Variants in ZNF487 observed in about 807,000 individuals in gnomAD.
The protein encoded by ZNF487 is zinc finger protein 487, also known as KRAB domain only 1.
In ZNF487, 4 loss-of-function variants were observed where a neutral mutation model predicts 3.0. The observed-to-expected ratio is 1.35, with a 90% confidence interval of 0.66 to 3.08. The LOEUF is 3.08. ZNF487 is among the 30% of genes most tolerant of loss of function. The pLI is 0.01. For missense variants in ZNF487, 146 were observed against 98.7 expected (o/e 1.48, Z -2.03); for synonymous variants, 55 against 34.6 (o/e 1.59, Z -2.06).
chr10:43,503,660 T>C, the ZNF487 span, among the ~76,000 whole-genome samples: 19,127 of 151,978 alleles, frequency 0.13, 2,578 homozygotes, highest in African/African-American at 0.34. Flanking sequence ...GGGTGGAGTA[T>C]AGTGGCATGA....
intron 1 of ZNF487, among the ~76,000 whole-genome samples, chr10:43,467,406 TA>T (rs1189260956): frequency 6.6e-6 from 1 of 151,582 alleles, no homozygotes; most frequent in Non-Finnish European, 1.5e-5. Flanking sequence ...GGTTTCACCA[TA>T]TTGGCCAGGC....
the ZNF487 span, among the ~76,000 whole-genome samples, chr10:43,494,790 A>AT: frequency 6.7e-6 from 1 of 148,192 alleles, no homozygotes; most frequent in African/African-American, 2.5e-5. Context: ...AAAAAAAAAA[A>AT]GCTGGGCATG....
intron 1 of ZNF487, among the ~76,000 whole-genome samples, chr10:43,446,922 G>A (rs1391061214): frequency 1.3e-5 from 2 of 152,096 alleles, no homozygotes; most frequent in South Asian, 2.1e-4. Flanking sequence ...CTGAGTGAGC[G>A]AGACTCTGTC....
chr10:43,501,368 T>C, the ZNF487 span, among the ~76,000 whole-genome samples: 1 of 152,236 alleles, frequency 6.6e-6, no homozygotes, highest in East Asian at 1.9e-4. Flanking sequence ...ACACTTAGGC[T>C]ACACTGTTTA....
chr10:43,457,759 A>C (rs1840270851), intron 1 of ZNF487, among the ~76,000 whole-genome samples: 1 of 151,508 alleles, frequency 6.6e-6, no homozygotes, highest in African/African-American at 2.4e-5. Context: ...AGGGTGGCTC[A>C]TGCCTGTAAT....
the ZNF487 span, among the ~76,000 whole-genome samples, chr10:43,490,983 CTT>C: frequency 1.5e-5 from 2 of 132,522 alleles, no homozygotes; most frequent in Non-Finnish European, 3.1e-5. Context: ...CTTTTTTTTT[CTT>C]TTTTTTTTTT....
At chr10:43,495,549 A>T in the ZNF487 span, among the ~76,000 whole-genome samples, 2,290 of 152,214 alleles carry the variant, frequency 0.015, 64 homozygotes, top group African/African-American at 0.053. Flanking sequence ...CAGCCCCATG[A>T]TACATTATTG....
the ZNF487 span, among the ~76,000 whole-genome samples, chr10:43,503,827 C>G: frequency 3.3e-5 from 5 of 152,280 alleles, no homozygotes; most frequent in South Asian, 6.2e-4. Flanking sequence ...AGGCTGGTCT[C>G]TAACTCCTGG....
intron 3 of ZNF487, among the ~76,000 whole-genome samples, chr10:43,477,777 C>T (rs191390834): frequency 2.0e-5 from 3 of 150,980 alleles, no homozygotes; most frequent in East Asian, 2.0e-4. Context: ...TATGGTGAAA[C>T]GCCGTCTCTA....
rs572381315 is a variant in ZNF487, at chr10:43,477,221, C to T, written c.130+1019C>T. ...TCTTTATTTCTTTTTTTTTTTGAGA[C>T]AGTCTCTCTCAGTCTCACAGGCTAG... On this transcript the variant is annotated intron_variant, in intron 3 of 3. Transcript: ENST00000437590. 2.7e-3 allele frequency among the ~76,000 whole-genome samples: 395 copies of T among 145,712 alleles called. 3 individuals carry two copies. Among genetic ancestry groups the T allele is most frequent in the Non-Finnish European group, 4.5e-3 (301 of 66,966 alleles).
chr10:43,489,171 A>G, the ZNF487 span, among the ~76,000 whole-genome samples: 1 of 151,510 alleles, frequency 6.6e-6, no homozygotes, highest in African/African-American at 2.4e-5. Context: ...TAACTTGAAT[A>G]CAGAATTATA....
chr10:43,504,217 T>A, the ZNF487 span, among the ~76,000 whole-genome samples: 229 of 152,238 alleles, frequency 1.5e-3, 2 homozygotes, highest in African/African-American at 5.2e-3. Flanking sequence ...GTTTTGTATA[T>A]GTCTTATATA....
At chr10:43,498,097 ATATTTTTTTTTTTTTTCT>A in the ZNF487 span, among the ~76,000 whole-genome samples, 10 of 10,050 alleles carry the variant, frequency 1.0e-3, no homozygotes, top group East Asian at 6.4e-3. Context: ...ATATATATAT[ATATTTTTTTTTTTTTTCT>A]TTTTTTTTTT....
the ZNF487 span, among the ~76,000 whole-genome samples, chr10:43,522,154 A>G: frequency 2.0e-5 from 3 of 152,190 alleles, no homozygotes; most frequent in Non-Finnish European, 4.4e-5. Flanking sequence ...TGTCTGGGCA[A>G]TAGGAGTTTT....
At chr10:43,449,113 A>T (rs1839915179) in intron 1 of ZNF487, among the ~76,000 whole-genome samples, 1 of 150,040 alleles carries the variant, frequency 6.7e-6, no homozygotes. Flanking sequence ...AGCCTGGGGG[A>T]CATGGTGAAA....
chr10:43,490,425 T>A, the ZNF487 span, among the ~76,000 whole-genome samples: 1 of 150,814 alleles, frequency 6.6e-6, no homozygotes, highest in Non-Finnish European at 1.5e-5. Flanking sequence ...TTCTTGTGAT[T>A]TTCCCCCCAT....
chr10:43,501,788 C>CTTT, the ZNF487 span, among the ~76,000 whole-genome samples: 1 of 148,286 alleles, frequency 6.7e-6, no homozygotes. Flanking sequence ...TTTAACTTTC[C>CTTT]TTTTTTTTTT....
chr10:43,498,091 ATATATATATTTTTTTTTTTTTTCTTT>A, the ZNF487 span, among the ~76,000 whole-genome samples: 84 of 27,938 alleles, frequency 3.0e-3, 5 homozygotes, highest in African/African-American at 9.3e-3. Context: ...ATATATATAT[ATATATATATTTTTTTTTTTTTTCTTT>A]TTTTTTTTTT....
chr10:43,439,334 A>C (rs1316541303), intron 1 of ZNF487, among the ~76,000 whole-genome samples: 1 of 152,136 alleles, frequency 6.6e-6, no homozygotes, highest in Non-Finnish European at 1.5e-5. Context: ...TAGGAGGTTG[A>C]GGCTTCAGTG....
Sources: gnomAD v4.1 joint callset for allele counts (sites outside exome capture counted in the v4.1 genomes callset) on GRCh38, gnomAD v4.1.1 for gene constraint, MANE v1.5 for transcripts, NCBI Gene and HGNC (gene_info 2026-07-23, HGNC 2026-07-21) for gene names.